Variants in EPM2A observed in about 807,000 individuals in gnomAD.
The protein encoded by EPM2A is laforin.
In EPM2A, 21 loss-of-function variants were observed where a neutral mutation model predicts 26.5. The ratio of observed to expected loss-of-function variants is 0.79; its 90% CI spans 0.56 to 1.14. The LOEUF (loss-of-function observed/expected upper bound fraction) is 1.14, where lower values mean the gene tolerates loss of function less well. EPM2A is among the 50% of genes most tolerant of loss of function. EPM2A has a pLI of 0.00. For missense variants in EPM2A, 458 were observed against 440.8 expected (o/e 1.04, Z -0.35); for synonymous variants, 217 against 177.6 (o/e 1.22, Z -1.76).
At chr6:145,403,560 C>G (rs543260808) in intron 4 of EPM2A, among the ~76,000 whole-genome samples, 69 of 152,194 alleles carry the variant, frequency 4.5e-4, no homozygotes, top group Non-Finnish European at 7.9e-4. Flanking sequence ...ACATAATGAT[C>G]TTTAGTTCCG....
intron 4 of EPM2A, among the ~76,000 whole-genome samples, chr6:145,444,495 G>A (rs897093221): frequency 6.6e-6 from 1 of 152,124 alleles, no homozygotes; most frequent in Non-Finnish European, 1.5e-5. Flanking sequence ...CTAATATTTT[G>A]TTGATGTTTG....
chr6:145,590,116 T>C (rs1472321775), intron 2 of EPM2A, among the ~76,000 whole-genome samples: 1 of 152,074 alleles, frequency 6.6e-6, no homozygotes, highest in Non-Finnish European at 1.5e-5. Flanking sequence ...TAAACACTAA[T>C]TTTGACAACT....
chr6:145,432,379 A>G (rs1170677458), intron 4 of EPM2A, among the ~76,000 whole-genome samples: 1 of 152,194 alleles, frequency 6.6e-6, no homozygotes, highest in Non-Finnish European at 1.5e-5. Context: ...TTACTCCTTG[A>G]TCTATGGGCT....
intron 4 of EPM2A, among the ~76,000 whole-genome samples, chr6:145,395,817 T>A (rs985450812): frequency 1.3e-5 from 2 of 152,110 alleles, no homozygotes; most frequent in Admixed American, 6.6e-5. Context: ...CGCTGATGAG[T>A]CTTTTATCAG....
chr6:145,592,462 A>C (rs1188899111), intron 2 of EPM2A, among the ~76,000 whole-genome samples: 1 of 152,166 alleles, frequency 6.6e-6, no homozygotes, highest in Non-Finnish European at 1.5e-5. Context: ...ATAGTGCCAC[A>C]ATAAACATAC....
intron 2 of EPM2A, among the ~76,000 whole-genome samples, chr6:145,573,564 C>T (rs1199318848): frequency 6.6e-6 from 1 of 152,246 alleles, no homozygotes; most frequent in Admixed American, 6.5e-5. Context: ...ACCCCTGTGT[C>T]TTTCAAGTCC....
In EPM2A at chr6:145,523,811, C is replaced by T. The variant is rs76576324; in HGVS notation, c.341-21236G>A. Among the ~76,000 whole-genome samples, 255 of 152,182 alleles carry T rather than the reference C, an allele frequency of 1.7e-3. 2 individuals are homozygous for T. Among genetic ancestry groups the T allele is most frequent in the African/African-American group, 5.9e-3 (247 of 41,516 alleles). On this transcript the variant is annotated intron_variant, in intron 2 of 3. Transcript: ENST00000450221. ...TTCACTTTAGATTCAGTTCAGGTGG[C>T]ACATGTGCAGGTTTGTCACATGGGT...
chr6:145,665,966 C>G (rs1233089278), intron 2 of EPM2A, among the ~76,000 whole-genome samples: 21 of 148,600 alleles, frequency 1.4e-4, no homozygotes, highest in East Asian at 4.3e-4. Context: ...ATTCAACAAC[C>G]CTTCATGCTA....
At chr6:145,490,059 C>T (rs1232139115) in intron 4 of EPM2A, 1 of 1,293,758 alleles carries the variant, frequency 7.7e-7, no homozygotes, top group African/African-American at 1.5e-5. Flanking sequence ...GCTGAATCCA[C>T]CTGGACCTGA....
intron 2 of EPM2A, among the ~76,000 whole-genome samples, chr6:145,518,897 T>TA (rs1436581643): frequency 1.3e-5 from 2 of 151,928 alleles, no homozygotes; most frequent in African/African-American, 4.8e-5. Flanking sequence ...CAACCAGACA[T>TA]ACAGAAGTTG....
intron 2 of EPM2A, among the ~76,000 whole-genome samples, chr6:145,666,877 G>A (rs1369966584): frequency 6.8e-6 from 1 of 147,638 alleles, no homozygotes; most frequent in Non-Finnish European, 1.5e-5. Context: ...ACAACTATCT[G>A]ATCTTTGACA....
At chr6:145,577,364 T>A (rs1271932495) in intron 2 of EPM2A, among the ~76,000 whole-genome samples, 19 of 137,844 alleles carry the variant, frequency 1.4e-4, no homozygotes, top group African/African-American at 1.7e-4. Context: ...TCCATGAAAA[T>A]GGAAACAAAA....
chr6:145,520,544 C>A (rs1052223366), intron 2 of EPM2A, among the ~76,000 whole-genome samples: 24 of 152,328 alleles, frequency 1.6e-4, no homozygotes, highest in African/African-American at 5.8e-4. Flanking sequence ...TGTAAGGGAG[C>A]CTCCTGAAAT....
At chr6:145,416,815 T>C (rs1331384865) in intron 4 of EPM2A, among the ~76,000 whole-genome samples, 1 of 152,234 alleles carries the variant, frequency 6.6e-6, no homozygotes, top group Non-Finnish European at 1.5e-5. Flanking sequence ...TGACAACATT[T>C]TGAGGGTGAT....
chr6:145,462,246 C>T (rs1365607293), intron 4 of EPM2A, among the ~76,000 whole-genome samples: 1 of 152,076 alleles, frequency 6.6e-6, no homozygotes, highest in Admixed American at 6.6e-5. Context: ...AGAAAGGAGA[C>T]TATATTAAGC....
intron 2 of EPM2A, among the ~76,000 whole-genome samples, chr6:145,569,808 G>C (rs754803694): frequency 2.0e-5 from 3 of 152,100 alleles, no homozygotes; most frequent in Non-Finnish European, 4.4e-5. Context: ...ACTTTGCCTA[G>C]TGTATTAGTC....
intron 2 of EPM2A, among the ~76,000 whole-genome samples, chr6:145,683,359 ATTAT>A (rs1360024766): frequency 3.4e-5 from 5 of 148,706 alleles, no homozygotes; most frequent in African/African-American, 9.8e-5. Context: ...ATACACATAT[ATTAT>A]TTATTATTTT....
chr6:145,560,333 T>A (rs1239142312), intron 2 of EPM2A, among the ~76,000 whole-genome samples: 5 of 152,172 alleles, frequency 3.3e-5, no homozygotes, highest in African/African-American at 9.6e-5. Context: ...TATCATATAA[T>A]AAACTGGAAC....
Position 145,596,722 on chromosome 6 carries a change from A to G in EPM2A, c.340+38523T>C, listed in dbSNP as rs1251822127. ...TATAATTTTCTACTCTGTCACACTG[A>G]TAGTTCATTAGTTCTTGATATATCC... On this transcript the variant is annotated intron_variant, in intron 2 of 3. Coordinates refer to the EPM2A transcript ENST00000450221. Among the ~76,000 whole-genome samples the G allele has an allele frequency of 3.3e-5, 5 of 151,946 alleles. No homozygotes were observed. The East Asian group carries it at 9.7e-4, about 29-fold the overall frequency.
Sources: allele counts gnomAD v4.1 joint callset (sites outside exome capture counted in the v4.1 genomes callset), GRCh38; gene constraint gnomAD v4.1.1; transcripts MANE v1.5; gene names NCBI Gene and HGNC (gene_info 2026-07-23, HGNC 2026-07-21).